The following FEM1B variants were observed in gnomAD, a reference collection of about 807,000 sequenced individuals.
FEM1B encodes the protein fem-1 homolog B.
FEM1B carries 10 observed loss-of-function variants against 38.6 expected under a neutral mutation model. The observed-to-expected ratio is 0.26, with a 90% CI of 0.16 to 0.44. FEM1B has a LOEUF of 0.44. FEM1B is among the 20% of genes least tolerant of loss of function. The pLI is 1.00. For synonymous variants in FEM1B, 288 were observed against 288.0 expected (o/e 1.00, Z 0.00); for missense variants, 471 against 786.7 (o/e 0.60, Z 4.80).
In FEM1B at chr15:68,278,739, C is replaced by G; in HGVS notation, c.248+74C>G. ...ATTCACGGGCCCTCCCCTCCCTCACCCTCTCTTACCCTCTCTTCATGTAGG... is the reference window on the plus strand; with the variant it reads ...ATTCACGGGCCCTCCCCTCCCTCACGCTCTCTTACCCTCTCTTCATGTAGG... On this transcript the variant is annotated intron_variant, in intron 1 of 1. Coordinates refer to ENST00000306917, the MANE Select transcript of FEM1B (RefSeq NM_015322.5). This position sits in a 1 kb window ranked among gnomAD's most constrained non-coding sequence, Gnocchi z 5.7. The G allele has an allele frequency of 5.2e-6, 8 of 1,527,482 alleles. No homozygotes were observed. The highest frequency in any genetic ancestry group is 7.2e-6 in the Non-Finnish European group (8 of 1,111,418). The allele number at this position is 1,527,482 out of a possible 1,614,324, so 94.6% of individuals were successfully genotyped here. A position where few individuals can be genotyped will look rare whatever the true frequency, so the allele number is the denominator to read the frequency against.
chr15:68,283,503 A>T lies in FEM1B; in HGVS notation c.248+4838A>T, dbSNP rs1228658949. On this transcript the variant is annotated intron_variant, in intron 1 of 1. Transcript: ENST00000306917. ...ACATAGTGAGACCTCATCTCTACCT[A>T]AAAAAAAAAAAAAAAAAAAAAAAAA... is the stretch of plus-strand genomic sequence containing the variant. 5.6e-4 allele frequency among the ~76,000 whole-genome samples: 31 copies of T among 55,158 alleles called. No homozygotes were observed. In the East Asian group the frequency reaches 6.3e-3, roughly 11 times the overall value. 36.2% of individuals were successfully genotyped at this position (55,158 alleles called of 152,430 possible). A position where few individuals can be genotyped will look rare whatever the true frequency, so the allele number is the denominator to read the frequency against.
rs1892876214 is a variant in FEM1B, at chr15:68,293,983, C to G, written c.*2741C>G. Reference sequence around the variant, plus strand: ...TATTACAGATTCAACCAAAACTTCTCTGTCCTGTTCAGTAATTGTTATATA... The same window carrying G: ...TATTACAGATTCAACCAAAACTTCTGTGTCCTGTTCAGTAATTGTTATATA... On this transcript the variant is annotated 3_prime_UTR_variant, in exon 2 of 2. Transcript: ENST00000306917. The surrounding 1 kb of genome is among the most constrained non-coding windows in gnomAD (Gnocchi z 5.8). 6.6e-6 allele frequency: 1 copy of G among 152,142 alleles called. No individual in the cohort carries two copies. Among genetic ancestry groups the G allele is most frequent in the Non-Finnish European group, 1.5e-5 (1 of 68,008 alleles). The allele number at this position is 152,142 out of a possible 1,614,324, so 9.4% of individuals were successfully genotyped here.
chr15:68,290,744 A>G lies in FEM1B; in HGVS notation c.1386A>G (p.Glu462=). ...CISTKTQCSE[E]DQCKINKQIY... ...CTACCAAAACACAGTGCAGCGAAGA[A>G]GATCAGTGCAAAATTAACAAGCAGA... Residue 462 remains glutamate, a synonymous_variant, in exon 2 of 2, where the codon GAA becomes GAG. Coordinates refer to ENST00000306917, the MANE Select transcript of FEM1B (RefSeq NM_015322.5). This position sits in a 1 kb window ranked among gnomAD's most constrained non-coding sequence, Gnocchi z 9.7. 6.2e-7 allele frequency: 1 copy of G among 1,613,946 alleles called. No individual in the cohort carries two copies. The highest frequency in any genetic ancestry group is 8.5e-7 in the Non-Finnish European group (1 of 1,179,938).
Position 68,292,481 on chromosome 15 carries a change from G to A in FEM1B, c.*1239G>A, listed in dbSNP as rs1892857656. 1 of 152,020 alleles carries A rather than the reference G, an allele frequency of 6.6e-6. No individual in the cohort carries two copies. Among genetic ancestry groups the A allele is most frequent in the Non-Finnish European group, 1.5e-5 (1 of 67,960 alleles). 9.4% of individuals were successfully genotyped at this position (152,020 alleles called of 1,614,324 possible). ...AGGGTATTCTGTGATTATCTTTTAA[G>A]CATTACAGAAATTCAAGTGAAAGTT... On this transcript the variant is annotated 3_prime_UTR_variant, in exon 2 of 2. Coordinates refer to ENST00000306917, the MANE Select transcript of FEM1B (RefSeq NM_015322.5).
At position 68,291,018 on chromosome 15, in the gene FEM1B, T is replaced by A; in HGVS notation, c.1660T>A (p.Ser554Thr). Residue 554 changes from serine (S) to threonine (T), a missense_variant, in exon 2 of 2, where the codon TCC becomes ACC. By Grantham distance (58) the Ser-to-Thr change is moderately conservative. Coordinates refer to ENST00000306917, the MANE Select transcript of FEM1B (RefSeq NM_015322.5). The surrounding 1 kb of genome is among the most constrained non-coding windows in gnomAD (Gnocchi z 6.9). ...RPISDFLTLH[S>T]IIISLVEAGA... ...CATCAGTGATTTTTTGACCTTGCAC[T>A]CCATCATCATTAGCCTAGTTGAAGC... is the stretch of plus-strand genomic sequence containing the variant. The A allele has an allele frequency of 6.2e-7, 1 of 1,614,128 alleles. No individual in the cohort carries two copies. The highest frequency in any genetic ancestry group is 8.5e-7 in the Non-Finnish European group (1 of 1,179,988).
In FEM1B at chr15:68,290,174, A is replaced by G. The variant is rs776889699; in HGVS notation, c.816A>G (p.Thr272=). Residue 272 remains threonine, a synonymous_variant, in exon 2 of 2, where the codon ACA becomes ACG. Transcript: ENST00000306917. This position sits in a 1 kb window ranked among gnomAD's most constrained non-coding sequence, Gnocchi z 9.7. ...GTGAGAACTATGACATCATAAAGAC[A>G]TACCACTATCTATATTTAGCCATGT... ...NDRENYDIIK[T]YHYLYLAMLE... is the part of the protein sequence containing the mutation. 54 of 1,614,020 alleles carry G rather than the reference A, an allele frequency of 3.3e-5. 2 individuals are homozygous for G. In the South Asian group the frequency reaches 5.3e-4, roughly 16 times the overall value.
Position 68,291,108 on chromosome 15 carries a change from G to A in FEM1B, c.1750G>A (p.Val584Ile). ...KTPLDKSTTG[V>I]SEILLKTQMK... ...TCCGCTAGACAAAAGTACAACTGGG[G>A]TATCTGAAATACTGCTTAAAACTCA... The change falls in exon 2 of 2, where the codon GTA becomes ATA. Residue 584 changes from valine (V) to isoleucine (I), a missense_variant. Coordinates refer to ENST00000306917, the MANE Select transcript of FEM1B (RefSeq NM_015322.5). The surrounding 1 kb of genome is among the most constrained non-coding windows in gnomAD (Gnocchi z 6.9). 6.2e-7 allele frequency: 1 copy of A among 1,614,076 alleles called. No individual in the cohort carries two copies. The highest frequency in any genetic ancestry group is 8.5e-7 in the Non-Finnish European group (1 of 1,180,000).
At chr15:68,287,116 CCT>C (rs1892797541) in intron 1 of FEM1B, among the ~76,000 whole-genome samples, 1 of 152,206 alleles carries the variant, frequency 6.6e-6, no homozygotes, top group South Asian at 2.1e-4. Context: ...GTCTCGAACT[CCT>C]GACCTCCGGT....
rs1892836881 is a variant in FEM1B, at chr15:68,290,552, G to T, written c.1194G>T (p.Leu398Phe). 3.1e-6 allele frequency: 5 copies of T among 1,614,170 alleles called. No homozygotes were observed. The highest frequency in any genetic ancestry group is 4.2e-6 in the Non-Finnish European group (5 of 1,180,016). Residue 398 changes from leucine (L) to phenylalanine (F), a missense_variant, in exon 2 of 2, where the codon TTG (leucine) becomes TTT (phenylalanine). Coordinates refer to ENST00000306917, the MANE Select transcript of FEM1B (RefSeq NM_015322.5). This position sits in a 1 kb window ranked among gnomAD's most constrained non-coding sequence, Gnocchi z 9.7. Reference protein sequence around the residue: ...FAQVFSQMIHLNETVKAPDIE... With the variant: ...FAQVFSQMIHFNETVKAPDIE... ...AAGTTTTCTCACAAATGATACATTT[G>T]AATGAAACTGTGAAGGCCCCAGACA...
rs1892889633 is a variant in FEM1B at position 68,295,032 on chromosome 15, G to A, written c.*3790G>A. Reference sequence around the variant, plus strand: ...TTGCCCAAATCTTTAGATGGGCTGGGTTATACAGCATGCCCTCCCCCAAAT... The same window carrying A: ...TTGCCCAAATCTTTAGATGGGCTGGATTATACAGCATGCCCTCCCCCAAAT... On this transcript the variant is annotated 3_prime_UTR_variant, in exon 2 of 2. Coordinates refer to ENST00000306917, the MANE Select transcript of FEM1B (RefSeq NM_015322.5). 1 of 152,120 alleles carries A rather than the reference G, an allele frequency of 6.6e-6. No individual in the cohort carries two copies. The highest frequency in any genetic ancestry group is 1.5e-5 in the Non-Finnish European group (1 of 68,020). The allele number at this position is 152,120 out of a possible 1,614,324, so 9.4% of individuals were successfully genotyped here.
intron 1 of FEM1B, among the ~76,000 whole-genome samples, chr15:68,285,927 C>CT (rs34999248): frequency 0.029 from 3,926 of 133,352 alleles, 112 homozygotes; most frequent in African/African-American, 0.085. Context: ...ACGGTTAATG[C>CT]TTTTTTTTTT....
At position 68,291,032 on chromosome 15, in the gene FEM1B, C is replaced by G; in HGVS notation, c.1674C>G (p.Ser558Arg). 1 of 1,614,074 alleles carries G rather than the reference C, an allele frequency of 6.2e-7. No homozygotes were observed. Among genetic ancestry groups the G allele is most frequent in the Non-Finnish European group, 8.5e-7 (1 of 1,179,982 alleles). Residue 558 changes from serine to arginine, a missense_variant, in exon 2 of 2, where the codon AGC (serine) becomes AGG (arginine). Ser to Arg is a moderately radical substitution (Grantham distance 110). Around this residue, in one of 3 missense-constraint regions of FEM1B, gnomAD observed 380 missense variants for 599.6 expected, o/e 0.63. Transcript: ENST00000306917. The surrounding 1 kb of genome is among the most constrained non-coding windows in gnomAD (Gnocchi z 6.9). Reference sequence around the variant, plus strand: ...TGACCTTGCACTCCATCATCATTAGCCTAGTTGAAGCCGGAGCTCACACTG... The same window carrying G: ...TGACCTTGCACTCCATCATCATTAGGCTAGTTGAAGCCGGAGCTCACACTG... ...DFLTLHSIIISLVEAGAHTDM... is the reference protein window; with the variant it reads ...DFLTLHSIIIRLVEAGAHTDM...
chr15:68,283,745 A>AT lies in FEM1B; in HGVS notation c.248+5087dup, dbSNP rs926803131. On this transcript the variant is annotated intron_variant, in intron 1 of 1. Coordinates refer to ENST00000306917, the MANE Select transcript of FEM1B (RefSeq NM_015322.5). ...AATTGTTACTATGTATTAACTTTGTATTTTTTTATTATATTAATCAGTTTG... is the reference window on the plus strand; with the variant it reads ...AATTGTTACTATGTATTAACTTTGTATTTTTTTTATTATATTAATCAGTTTG... Among the ~76,000 whole-genome samples, 47 of 152,178 alleles carry AT rather than the reference A, an allele frequency of 3.1e-4. 2 individuals are homozygous for AT. The highest frequency in any genetic ancestry group is 4.1e-4 in the South Asian group (2 of 4,820).
At position 68,291,359 on chromosome 15, in the gene FEM1B, A is replaced by AT. The variant is rs1341696762; in HGVS notation, c.*118dup. 2 of 711,314 alleles carry AT rather than the reference A, an allele frequency of 2.8e-6. No homozygotes were observed. The highest frequency in any genetic ancestry group is 3.6e-5 in the African/African-American group (2 of 55,872). The allele number at this position is 711,314 out of a possible 1,614,324, so 44.1% of individuals were successfully genotyped here. On this transcript the variant is annotated 3_prime_UTR_variant, in exon 2 of 2. Transcript: ENST00000306917. This position sits in a 1 kb window ranked among gnomAD's most constrained non-coding sequence, Gnocchi z 6.9. ...TTTTCTTTCCACTACCCTTCCTCCCATCCCATCCTTCCTTAGTTCTGTATT... is the reference window on the plus strand; with the variant it reads ...TTTTCTTTCCACTACCCTTCCTCCCATTCCCATCCTTCCTTAGTTCTGTATT...
rs1460539906 is a variant in FEM1B at position 68,292,056 on chromosome 15, T to C, written c.*814T>C. 1 of 152,202 alleles carries C rather than the reference T, an allele frequency of 6.6e-6. No homozygotes were observed. The highest frequency in any genetic ancestry group is 2.4e-5 in the African/African-American group (1 of 41,450). 9.4% of individuals were successfully genotyped at this position (152,202 alleles called of 1,614,324 possible). A position where few individuals can be genotyped will look rare whatever the true frequency, so the allele number is the denominator to read the frequency against. On this transcript the variant is annotated 3_prime_UTR_variant, in exon 2 of 2. Coordinates refer to ENST00000306917, the MANE Select transcript of FEM1B (RefSeq NM_015322.5). ...AAAAATTATGAATGCTGTTTTCTTA[T>C]GAAACAAATTGTCACAGTGTAGTTA... is the stretch of plus-strand genomic sequence containing the variant.
At position 68,292,780 on chromosome 15, in the gene FEM1B, A is replaced by G. The variant is rs1359648651; in HGVS notation, c.*1538A>G. 6.6e-6 allele frequency: 1 copy of G among 152,144 alleles called. No homozygotes were observed. The highest frequency in any genetic ancestry group is 1.5e-5 in the Non-Finnish European group (1 of 68,002). The allele number at this position is 152,144 out of a possible 1,614,324, so 9.4% of individuals were successfully genotyped here. ...AGAAAGGTTGCAGTTGGATCAGTAT[A>G]AAACAATGACCAAGCCAAAATCAGC... On this transcript the variant is annotated 3_prime_UTR_variant, in exon 2 of 2. Coordinates refer to ENST00000306917, the MANE Select transcript of FEM1B (RefSeq NM_015322.5).
rs761400696 is a variant in FEM1B at position 68,278,394 on chromosome 15, C to T, written c.-24C>T. The T allele has an allele frequency of 7.5e-6, 12 of 1,600,168 alleles. No homozygotes were observed. Among genetic ancestry groups the T allele is most frequent in the South Asian group, 1.1e-5 (1 of 89,922 alleles). ...GGCAGCTGCAGCGGTGGCGACCAAA[C>T]GGGTGTTGGAGTTGGCGGCGGCCAT... On this transcript the variant is annotated 5_prime_UTR_variant, in exon 1 of 2. It adds an upstream start codon to the 5' untranslated region. Coordinates refer to ENST00000306917, the MANE Select transcript of FEM1B (RefSeq NM_015322.5). This position sits in a 1 kb window ranked among gnomAD's most constrained non-coding sequence, Gnocchi z 5.7.
chr15:68,289,679 A>G lies in FEM1B; in HGVS notation c.321A>G (p.Leu107=). The G allele has an allele frequency of 6.2e-7, 1 of 1,614,190 alleles. No homozygotes were observed. Among genetic ancestry groups the G allele is most frequent in the South Asian group, 1.1e-5 (1 of 91,086 alleles). The change falls in exon 2 of 2, where the codon CTA becomes CTG. Residue 107 remains leucine, a synonymous_variant. Coordinates refer to ENST00000306917, the MANE Select transcript of FEM1B (RefSeq NM_015322.5). This position sits in a 1 kb window ranked among gnomAD's most constrained non-coding sequence, Gnocchi z 6.9. ...GACATTTTGAAGTTGTTAAACTTCTAGTCAGCCATGGAGCCAACGTGAACC... is the reference window on the plus strand; with the variant it reads ...GACATTTTGAAGTTGTTAAACTTCTGGTCAGCCATGGAGCCAACGTGAACC... ...GAGHFEVVKL[L]VSHGANVNHT...
At position 68,280,906 on chromosome 15, in the gene FEM1B, G is replaced by T. The variant is rs1892718986; in HGVS notation, c.248+2241G>T. 6.6e-6 allele frequency among the ~76,000 whole-genome samples: 1 copy of T among 152,174 alleles called. No homozygotes were observed. The highest frequency in any genetic ancestry group is 1.5e-5 in the Non-Finnish European group (1 of 68,028). On this transcript the variant is annotated intron_variant, in intron 1 of 1. Coordinates refer to ENST00000306917, the MANE Select transcript of FEM1B (RefSeq NM_015322.5). This position sits in a 1 kb window ranked among gnomAD's most constrained non-coding sequence, Gnocchi z 4.2. ...TTATTAAATGCTTGTGATGGGCCTA[G>T]CCTGTGTCATGTTCTGGAGGAAATG... is the stretch of plus-strand genomic sequence containing the variant.
Sources: gnomAD v4.1 joint callset for allele counts (sites outside exome capture counted in the v4.1 genomes callset) on GRCh38, gnomAD v4.1.1 for gene constraint, gnomAD v4.1.1 regional missense constraint, Gnocchi (gnomAD v3.1) non-coding constraint, MANE v1.5 for transcripts, NCBI Gene and HGNC (gene_info 2026-07-23, HGNC 2026-07-21) for gene names.